Variants in MACROD2 observed in about 807,000 individuals in gnomAD.
The protein encoded by MACROD2 is ADP-ribose glycohydrolase MACROD2.
A neutral mutation model predicts 70.4 loss-of-function variants in MACROD2; 36 were observed. The ratio of observed to expected loss-of-function variants is 0.51; its 90% confidence interval spans 0.39 to 0.68. The LOEUF (loss-of-function observed/expected upper bound fraction) is 0.68. Ranked by LOEUF, MACROD2 falls within the 30% of genes least tolerant of loss-of-function variation. The probability of loss-of-function intolerance (pLI) is 0.00; values close to 1 mark genes in which losing one functional copy is unlikely to be tolerated. For missense variants in MACROD2, 496 were observed against 538.4 expected, an observed-to-expected ratio of 0.92 and a Z score of 0.78; for synonymous variants, 172 against 178.8, an observed-to-expected ratio of 0.96 and a Z score of 0.30.
chr20:14,550,669 G>A (rs1332410114), intron 4 of MACROD2, among the ~76,000 whole-genome samples: 1 of 152,156 alleles, frequency 6.6e-6, no homozygotes, highest in African/African-American at 2.4e-5. Flanking sequence ...CTCCTATTTG[G>A]AAAGAAACAT....
chr20:15,658,431 A>C (rs2049766374), intron 8 of MACROD2, among the ~76,000 whole-genome samples: 1 of 152,168 alleles, frequency 6.6e-6, no homozygotes, highest in South Asian at 2.1e-4. Flanking sequence ...TGGATAACAA[A>C]GGCAGTATCT....
intron 5 of MACROD2, among the ~76,000 whole-genome samples, chr20:15,009,577 A>T (rs993351337): frequency 6.6e-6 from 1 of 152,170 alleles, no homozygotes; most frequent in Non-Finnish European, 1.5e-5. Context: ...TGTTTTGTTT[A>T]TCTGAGCAAA....
At chr20:15,117,534 T>G (rs1198108543) in intron 5 of MACROD2, among the ~76,000 whole-genome samples, 1 of 152,108 alleles carries the variant, frequency 6.6e-6, no homozygotes, top group Non-Finnish European at 1.5e-5. Context: ...GGACAATCCT[T>G]GACTTTTTTG....
chr20:14,000,282 C>A (rs987235426), intron 1 of MACROD2, among the ~76,000 whole-genome samples: 3 of 152,004 alleles, frequency 2.0e-5, no homozygotes, highest in African/African-American at 7.2e-5. Flanking sequence ...GTACCTTAAA[C>A]TCAATTTTTG....
intron 5 of MACROD2, among the ~76,000 whole-genome samples, chr20:14,762,174 T>C (rs1307013157): frequency 6.6e-6 from 1 of 152,128 alleles, no homozygotes; most frequent in Non-Finnish European, 1.5e-5. Flanking sequence ...CCAAGAGAGA[T>C]TGGCAGTCAC....
At chr20:15,994,290 A>T (rs2066598092) in intron 15 of MACROD2, among the ~76,000 whole-genome samples, 1 of 152,128 alleles carries the variant, frequency 6.6e-6, no homozygotes, top group Non-Finnish European at 1.5e-5. Context: ...AAGATGCCTC[A>T]GTTGTGAGAT....
At chr20:15,079,828 C>A (rs1216722293) in intron 5 of MACROD2, among the ~76,000 whole-genome samples, 1 of 152,068 alleles carries the variant, frequency 6.6e-6, no homozygotes, top group Non-Finnish European at 1.5e-5. Flanking sequence ...TCTTCACATT[C>A]CCTCAGTTAA....
intron 5 of MACROD2, among the ~76,000 whole-genome samples, chr20:15,160,829 A>T (rs2076343296): frequency 6.6e-6 from 1 of 152,142 alleles, no homozygotes; most frequent in Non-Finnish European, 1.5e-5. Flanking sequence ...TTCAGGAAAC[A>T]ATTACTGAAT....
chr20:14,812,963 C>T (rs1255990413), intron 5 of MACROD2, among the ~76,000 whole-genome samples: 1 of 152,034 alleles, frequency 6.6e-6, no homozygotes, highest in Non-Finnish European at 1.5e-5. Context: ...CCAAAACCTC[C>T]TTCTCAGGTT....
At chr20:15,120,852 C>T (rs975729717) in intron 5 of MACROD2, among the ~76,000 whole-genome samples, 2 of 152,148 alleles carry the variant, frequency 1.3e-5, no homozygotes, top group African/African-American at 4.8e-5. Flanking sequence ...CAGACCATGT[C>T]TTCTTTAACA....
intron 3 of MACROD2, among the ~76,000 whole-genome samples, chr20:14,454,904 C>G (rs1176883239): frequency 1.3e-5 from 2 of 152,016 alleles, no homozygotes; most frequent in African/African-American, 4.8e-5. Context: ...AGGTGCCCAC[C>G]ACCACGCCTG....
intron 6 of MACROD2, among the ~76,000 whole-genome samples, chr20:15,399,494 C>T (rs1180786176): frequency 1.3e-5 from 2 of 152,166 alleles, no homozygotes; most frequent in African/African-American, 2.4e-5. Flanking sequence ...CCTGTTTCCT[C>T]GAGCATTTCC....
At chr20:15,718,130 C>T (rs1486451023) in intron 8 of MACROD2, among the ~76,000 whole-genome samples, 3 of 151,532 alleles carry the variant, frequency 2.0e-5, no homozygotes, top group Admixed American at 6.6e-5. Context: ...CTCAGCCTCC[C>T]GAGCAGCTGG....
At chr20:15,914,885 G>A (rs2065289826) in intron 10 of MACROD2, among the ~76,000 whole-genome samples, 1 of 152,144 alleles carries the variant, frequency 6.6e-6, no homozygotes. Flanking sequence ...ATAATTTGCT[G>A]GAATGGGTCA....
At chr20:15,423,570 G>T (rs2046257729) in intron 6 of MACROD2, among the ~76,000 whole-genome samples, 1 of 151,766 alleles carries the variant, frequency 6.6e-6, no homozygotes, top group African/African-American at 2.4e-5. Flanking sequence ...TGTCTGTCAA[G>T]AGCTCTTTTC....
chr20:15,624,990 T>A (rs1323911118), intron 8 of MACROD2, among the ~76,000 whole-genome samples: 1 of 152,236 alleles, frequency 6.6e-6, no homozygotes, highest in Non-Finnish European at 1.5e-5. Context: ...TCTTTCCATA[T>A]CTAGCAGTTT....
intron 5 of MACROD2, among the ~76,000 whole-genome samples, chr20:15,111,387 G>A (rs1025626651): frequency 2.0e-5 from 3 of 152,010 alleles, no homozygotes; most frequent in African/African-American, 7.2e-5. Flanking sequence ...GGCCAGGCTG[G>A]TCTTGATCTC....
chr20:14,700,724 A>G (rs77846291), intron 5 of MACROD2, among the ~76,000 whole-genome samples: 1 of 152,142 alleles, frequency 6.6e-6, no homozygotes, highest in Non-Finnish European at 1.5e-5. Context: ...CCCTCTGTGA[A>G]TGTTGGTGCC....
chr20:15,559,281 G>GATGA (rs1244054994), intron 8 of MACROD2, among the ~76,000 whole-genome samples: 1 of 150,654 alleles, frequency 6.6e-6, no homozygotes, highest in Non-Finnish European at 1.5e-5. Flanking sequence ...CACATGTGTG[G>GATGA]ATGAAGGTAA....
Sources: gnomAD v4.1 joint callset for allele counts (sites outside exome capture counted in the v4.1 genomes callset) on GRCh38, gnomAD v4.1.1 for gene constraint, MANE v1.5 for transcripts, NCBI Gene and HGNC (gene_info 2026-07-23, HGNC 2026-07-21) for gene names.